Variants in PFKFB3 observed in about 807,000 individuals in gnomAD.
PFKFB3 encodes the protein 6-phosphofructo-2-kinase/fructose-2,6-bisphosphatase 3.
In PFKFB3, 33 loss-of-function variants were observed where a neutral mutation model predicts 68.0. The observed-to-expected ratio is 0.49, with a 90% CI of 0.37 to 0.65. The LOEUF is 0.65. Ranked by LOEUF, PFKFB3 falls within the 30% of genes least tolerant of loss-of-function variation. The probability of loss-of-function intolerance (pLI) is 0.00; values close to 1 mark genes in which losing one functional copy is unlikely to be tolerated. For missense variants in PFKFB3, 586 were observed against 712.2 expected, an observed-to-expected ratio of 0.82 and a Z score of 2.02; for synonymous variants, 315 against 288.2, an observed-to-expected ratio of 1.09 and a Z score of -0.94.
intron 1 of PFKFB3, among the ~76,000 whole-genome samples, chr10:6,190,477 C>T (rs1431310065): frequency 4.6e-5 from 7 of 152,094 alleles, no homozygotes; most frequent in African/African-American, 1.7e-4. Context: ...GGGTTTTAGT[C>T]TATTACTATC....
At chr10:6,165,680 C>G (rs901296317) in intron 1 of PFKFB3, among the ~76,000 whole-genome samples, 1 of 152,104 alleles carries the variant, frequency 6.6e-6, no homozygotes, top group Admixed American at 6.6e-5. Flanking sequence ...TTTCTCGATG[C>G]GTCTATTTTT....
intron 1 of PFKFB3, among the ~76,000 whole-genome samples, chr10:6,147,316 C>T (rs1841425199): frequency 6.6e-6 from 1 of 152,216 alleles, no homozygotes; most frequent in African/African-American, 2.4e-5. Flanking sequence ...AATGAAAAGA[C>T]TTTGCCGCCC....
At chr10:6,253,318 G>A (rs975214150) in intron 14 of PFKFB3, among the ~76,000 whole-genome samples, 3 of 152,210 alleles carry the variant, frequency 2.0e-5, no homozygotes, top group East Asian at 1.9e-4. Flanking sequence ...TTGACTGTTA[G>A]TCTTCTTCCT....
At chr10:6,197,053 C>G (rs925486254) in intron 1 of PFKFB3, among the ~76,000 whole-genome samples, 3 of 151,926 alleles carry the variant, frequency 2.0e-5, no homozygotes, top group Non-Finnish European at 2.9e-5. Flanking sequence ...GGCGTGATCT[C>G]GGCTCACTGC....
chr10:6,183,612 A>ATATATATAT (rs1554843838), intron 1 of PFKFB3, among the ~76,000 whole-genome samples: 13 of 55,252 alleles, frequency 2.4e-4, no homozygotes, highest in Middle Eastern at 0.018. Context: ...AAAAAAAAAA[A>ATATATATAT]AAATATATAT....
chr10:6,251,526 T>C (rs1846380553), intron 14 of PFKFB3, among the ~76,000 whole-genome samples: 1 of 152,260 alleles, frequency 6.6e-6, no homozygotes, highest in South Asian at 2.1e-4. Context: ...CTATTCCTAT[T>C]AGGCATTGGG....
At chr10:6,305,926 C>A in the PFKFB3 span, among the ~76,000 whole-genome samples, 1 of 152,200 alleles carries the variant, frequency 6.6e-6, no homozygotes, top group Non-Finnish European at 1.5e-5. Context: ...CTTCTAAGGG[C>A]AGGTTTTTTT....
chr10:6,254,049 G>A (rs1304367652), intron 14 of PFKFB3: 1 of 390,722 alleles, frequency 2.6e-6, no homozygotes, highest in African/African-American at 2.1e-5. Context: ...CTCAAAAAAA[G>A]GGTGATGAGG....
chr10:6,243,174 A>G (rs1004758896), intron 14 of PFKFB3, among the ~76,000 whole-genome samples: 1 of 152,226 alleles, frequency 6.6e-6, no homozygotes, highest in African/African-American at 2.4e-5. Flanking sequence ...AGATCTGTGA[A>G]GAAAGCCAGT....
At chr10:6,292,066 G>C in the PFKFB3 span, among the ~76,000 whole-genome samples, 2 of 145,986 alleles carry the variant, frequency 1.4e-5, no homozygotes, top group Non-Finnish European at 3.0e-5. Flanking sequence ...CAATTCTGCT[G>C]CCTCAGCCTC....
At chr10:6,216,981 G>A (rs78200114) in intron 5 of PFKFB3, among the ~76,000 whole-genome samples, 154 bp from the exon 6 acceptor site, 2,273 of 152,280 alleles carry the variant, frequency 0.015, 38 homozygotes, top group South Asian at 0.044. Context: ...GCCATGGGGC[G>A]TTCCAGAGGC....
the PFKFB3 span, among the ~76,000 whole-genome samples, chr10:6,317,935 A>G: frequency 1.3e-5 from 2 of 152,226 alleles, no homozygotes; most frequent in African/African-American, 4.8e-5. Flanking sequence ...ATCTTTGGGA[A>G]GCAATTTGGT....
chr10:6,237,724 C>T (rs1846049085), downstream of PFKFB3, among the ~76,000 whole-genome samples: 1 of 152,152 alleles, frequency 6.6e-6, no homozygotes, highest in South Asian at 2.1e-4. Context: ...TGCCACCACG[C>T]CCAACTAATT....
At chr10:6,317,665 G>T in the PFKFB3 span, among the ~76,000 whole-genome samples, 1 of 152,182 alleles carries the variant, frequency 6.6e-6, no homozygotes, top group African/African-American at 2.4e-5. Flanking sequence ...TAAGGTCTAG[G>T]ATTCAGGAAA....
Position 6,220,342 on chromosome 10 carries a change from A to G in PFKFB3, c.624-316A>G, listed in dbSNP as rs1026568599. On this transcript the variant is annotated intron_variant, in intron 7 of 14. Coordinates refer to ENST00000379775, the MANE Select transcript of PFKFB3 (RefSeq NM_004566.4). The surrounding 1 kb of genome is among the most constrained non-coding windows in gnomAD (Gnocchi z 4.1). ...GGTCTTGAACTTCTAGACTCAAGCA[A>G]TCCTCTTGCCTCGGCCTCCCAAAGT... 7.2e-5 allele frequency among the ~76,000 whole-genome samples: 11 copies of G among 152,218 alleles called. No homozygotes were observed. Among genetic ancestry groups the G allele is most frequent in the African/African-American group, 2.2e-4 (9 of 41,540 alleles).
chr10:6,148,639 A>G (rs1384044621), intron 1 of PFKFB3, among the ~76,000 whole-genome samples: 1 of 152,190 alleles, frequency 6.6e-6, no homozygotes, highest in Non-Finnish European at 1.5e-5. Flanking sequence ...GTGAAACATA[A>G]AAGAAATTCA....
In PFKFB3 at chr10:6,228,567, G is replaced by A. The variant is rs1410412274; in HGVS notation, c.1515+2202G>A. 6.6e-6 allele frequency among the ~76,000 whole-genome samples: 1 copy of A among 152,120 alleles called. No homozygotes were observed. Among genetic ancestry groups the A allele is most frequent in the Non-Finnish European group, 1.5e-5 (1 of 68,032 alleles). On this transcript the variant is annotated intron_variant, in intron 14 of 14. Transcript: ENST00000379775. This position sits in a 1 kb window ranked among gnomAD's most constrained non-coding sequence, Gnocchi z 4.5. ...TTCCTTATCAGAATCAGATCTTGGT[G>A]GCGAGCTGCATCTGTGCCAGGTGCC...
chr10:6,232,021 C>G (rs1277438385), intron 14 of PFKFB3, among the ~76,000 whole-genome samples: 1 of 152,380 alleles, frequency 6.6e-6, no homozygotes, highest in South Asian at 2.1e-4. Flanking sequence ...ACCCCCAGTT[C>G]TGTGTGGGGT....
the PFKFB3 span, among the ~76,000 whole-genome samples, chr10:6,292,285 T>C: frequency 1.8e-4 from 22 of 119,146 alleles, no homozygotes; most frequent in South Asian, 9.3e-4. Context: ...TTTCTTTTTT[T>C]TTTTTTTTTT....
Sources: allele counts gnomAD v4.1 joint callset (sites outside exome capture counted in the v4.1 genomes callset), GRCh38; gene constraint gnomAD v4.1.1; non-coding constraint Gnocchi (gnomAD v3.1); transcripts MANE v1.5; gene names NCBI Gene and HGNC (gene_info 2026-07-23, HGNC 2026-07-21).